Variants in STK31 observed in about 807,000 individuals in gnomAD.
STK31 encodes serine/threonine kinase 31.
STK31 carries 89 observed loss-of-function variants against 129.7 expected under a neutral mutation model. The observed-to-expected ratio is 0.69, with a 90% CI of 0.58 to 0.82. The LOEUF (loss-of-function observed/expected upper bound fraction) is 0.82, where lower values mean the gene tolerates loss of function less well. STK31 is among the 40% of genes least tolerant of loss of function. The pLI, the probability that STK31 is intolerant of heterozygous loss-of-function variation, is 0.00. For synonymous variants in STK31, 448 were observed against 395.3 expected (o/e 1.13, Z -1.58); for missense variants, 1,187 against 1,176.4 (o/e 1.01, Z -0.13).
chr7:23,779,680 C>T (rs1790787556), intron 15 of STK31, among the ~76,000 whole-genome samples: 1 of 151,966 alleles, frequency 6.6e-6, no homozygotes, highest in South Asian at 2.1e-4. Flanking sequence ...GACAGAGGCC[C>T]CTCCCCCAAC....
chr7:23,780,069 G>C (rs1052967974), intron 15 of STK31, among the ~76,000 whole-genome samples: 1 of 152,082 alleles, frequency 6.6e-6, no homozygotes, highest in African/African-American at 2.4e-5. Context: ...AGTCCCTCAT[G>C]GCTTCCCTTG....
chr7:23,710,775 G>C (rs1330112082), intron 1 of STK31: 2 of 1,019,704 alleles, frequency 2.0e-6, no homozygotes, highest in East Asian at 1.7e-4. Flanking sequence ...ATCAGGGCAA[G>C]TCATTTTAAA....
chr7:23,751,962 G>A (rs1284638401), intron 8 of STK31, among the ~76,000 whole-genome samples: 1 of 151,452 alleles, frequency 6.6e-6, no homozygotes, highest in Admixed American at 6.6e-5. Context: ...GTTTCTGGGG[G>A]CTTGGGGGAG....
intron 20 of STK31, 113 bp downstream of exon 20, chr7:23,787,037 A>G (rs1381448860): frequency 1.1e-5 from 11 of 987,738 alleles, no homozygotes; most frequent in African/African-American, 1.6e-5. Context: ...GACTCATGGT[A>G]TTCTATTTGT....
chr7:23,827,425 C>T (rs1049166509), intron 23 of STK31, among the ~76,000 whole-genome samples: 6 of 152,242 alleles, frequency 3.9e-5, no homozygotes, highest in East Asian at 3.9e-4. Flanking sequence ...ATGTATTTCT[C>T]GTGCCATGGT....
chr7:23,728,381 T>G (rs1300101628), intron 5 of STK31, among the ~76,000 whole-genome samples: 1 of 152,158 alleles, frequency 6.6e-6, no homozygotes, highest in Non-Finnish European at 1.5e-5. Context: ...ACAATTTGAT[T>G]AATATTCTGA....
At chr7:23,801,291 A>G (rs2128120681) in intron 22 of STK31, among the ~76,000 whole-genome samples, 1 of 152,192 alleles carries the variant, frequency 6.6e-6, no homozygotes, top group South Asian at 2.1e-4. Flanking sequence ...TAATTTCTCT[A>G]ATAGATAATG....
chr7:23,770,255 A>G (rs1192011720), intron 13 of STK31, among the ~76,000 whole-genome samples: 1 of 152,136 alleles, frequency 6.6e-6, no homozygotes, highest in Admixed American at 6.6e-5. Context: ...TGTAATTTTA[A>G]TTATTGCTCA....
chr7:23,817,510 G>A (rs1793546030), intron 23 of STK31, among the ~76,000 whole-genome samples: 1 of 152,190 alleles, frequency 6.6e-6, no homozygotes, highest in Non-Finnish European at 1.5e-5. Flanking sequence ...TACATTTTGT[G>A]TTCACACATA....
At chr7:23,825,383 C>T (rs1026090548) in intron 23 of STK31, among the ~76,000 whole-genome samples, 9 of 152,150 alleles carry the variant, frequency 5.9e-5, no homozygotes, top group Admixed American at 3.9e-4. Context: ...AGTTTATTTG[C>T]GTAGAGGTGT....
intron 4 of STK31, among the ~76,000 whole-genome samples, chr7:23,723,368 A>G (rs1351584220): frequency 1.3e-5 from 2 of 152,206 alleles, no homozygotes; most frequent in African/African-American, 4.8e-5. Flanking sequence ...AAATTAGCCC[A>G]TCTGAGACCC....
chr7:23,832,262 G>T lies in STK31; in HGVS notation c.2956G>T (p.Asp986Tyr). The stretch of plus-strand genomic sequence containing the variant: ...GCAATCAGTTCCAAACCCAGAAAAA[G>T]ATACTGAATACACCCTATATAAAAA... ...KEQSVPNPEK[D>Y]TEYTLYKKEE... The change falls in exon 24 of 24, where the codon GAT becomes TAT. Residue 986 changes from aspartate (D) to tyrosine (Y), a missense_variant. Physicochemically the swap from Asp to Tyr is radical, Grantham distance 160. Transcript: ENST00000355870. The T allele has an allele frequency of 3.1e-6, 5 of 1,613,940 alleles. No individual in the cohort carries two copies. Among genetic ancestry groups the T allele is most frequent in the Non-Finnish European group, 4.2e-6 (5 of 1,179,888 alleles).
intron 8 of STK31, 139 bp from the exon 9 acceptor site, chr7:23,752,577 AC>A (rs1788778340): frequency 1.5e-6 from 1 of 655,008 alleles, no homozygotes; most frequent in African/African-American, 1.9e-5. Context: ...CTGAGCTCAA[AC>A]CATCTGTCCT....
chr7:23,791,250 A>G (rs1259621103), intron 22 of STK31: 2 of 984,604 alleles, frequency 2.0e-6, no homozygotes, highest in Non-Finnish European at 2.4e-6. Flanking sequence ...ATAAATGTTA[A>G]ATAAGCCTTG....
At chr7:23,756,478 C>G (rs1270119525) in intron 10 of STK31, among the ~76,000 whole-genome samples, 1 of 152,122 alleles carries the variant, frequency 6.6e-6, no homozygotes, top group Non-Finnish European at 1.5e-5. Context: ...TATTTGAATA[C>G]CCTTTATTTC....
intron 22 of STK31, among the ~76,000 whole-genome samples, chr7:23,798,250 T>C (rs1370123605): frequency 6.6e-6 from 1 of 152,204 alleles, no homozygotes; most frequent in Non-Finnish European, 1.5e-5. Flanking sequence ...ACTCATTTTA[T>C]GAGGCCGGCA....
intron 11 of STK31, among the ~76,000 whole-genome samples, chr7:23,765,543 C>A (rs981212225): frequency 1.4e-5 from 2 of 144,802 alleles, no homozygotes; most frequent in Non-Finnish European, 3.0e-5. Flanking sequence ...CTTTTTCTAA[C>A]TTACACCTCT....
chr7:23,727,556 CTTTTTTTTTTTTTT>C (rs58066410), intron 5 of STK31: 2 of 137,446 alleles, frequency 1.5e-5, no homozygotes, highest in African/African-American at 5.7e-5. Flanking sequence ...TACCTCAGTT[CTTTTTTTTTTTTTT>C]TTTTTTTTTT....
At chr7:23,731,752 T>C (rs1787444529) in intron 6 of STK31, among the ~76,000 whole-genome samples, 1 of 152,208 alleles carries the variant, frequency 6.6e-6, no homozygotes, top group African/African-American at 2.4e-5. Flanking sequence ...CATGCCTGAC[T>C]TTAAAAATTA....
Sources: gnomAD v4.1 joint callset for allele counts (sites outside exome capture counted in the v4.1 genomes callset) on GRCh38, gnomAD v4.1.1 for gene constraint, MANE v1.5 for transcripts, NCBI Gene and HGNC (gene_info 2026-07-23, HGNC 2026-07-21) for gene names.